VEGFC: variants seen among roughly 807,000 people sequenced by gnomAD.
VEGFC encodes the protein vascular endothelial growth factor C.
In VEGFC, 12 loss-of-function variants were observed where a neutral mutation model predicts 46.1. The observed-to-expected ratio is 0.26, with a 90% CI of 0.17 to 0.42. The LOEUF (loss-of-function observed/expected upper bound fraction) is 0.42, where lower values mean the gene tolerates loss of function less well. Ranked by LOEUF, VEGFC falls within the 10% of genes least tolerant of loss-of-function variation. The pLI, the probability that VEGFC is intolerant of heterozygous loss-of-function variation, is 1.00. For missense variants in VEGFC, 488 were observed against 529.4 expected, an observed-to-expected ratio of 0.92 and a Z score of 0.77; for synonymous variants, 232 against 195.5, an observed-to-expected ratio of 1.19 and a Z score of -1.56.
intron 1 of VEGFC, among the ~76,000 whole-genome samples, chr4:176,745,460 C>A (rs73872170): frequency 0.045 from 6,893 of 152,048 alleles, 477 homozygotes; most frequent in African/African-American, 0.16. Flanking sequence ...TATCTGCCTT[C>A]ACTGCCTGAC....
chr4:176,766,639 T>G (rs111734441), intron 1 of VEGFC, among the ~76,000 whole-genome samples: 2 of 150,920 alleles, frequency 1.3e-5, no homozygotes, highest in African/African-American at 4.9e-5. Context: ...ACTTCAGAAT[T>G]TCAGGCAGTG....
rs1183744358 is a variant in VEGFC, at chr4:176,687,478, T to G, written c.854A>C (p.Glu285Ala). The change falls in exon 6 of 7, where the codon GAG becomes GCG. Residue 285 changes from glutamate (E) to alanine (A), a missense_variant. Transcript: ENST00000618562. ...ACACTGACAGGTCTCTTCATCCAGC[T>G]CCTTGTTTGGTCCACAGATGTCATG... ...GFHDICGPNK[E>A]LDEETCQCVC... is the part of the protein sequence containing the mutation. 6.2e-7 allele frequency: 1 copy of G among 1,613,132 alleles called. No individual in the cohort carries two copies. Among genetic ancestry groups the G allele is most frequent in the South Asian group, 1.1e-5 (1 of 91,036 alleles).
chr4:176,726,548 T>A (rs142281870), intron 3 of VEGFC, among the ~76,000 whole-genome samples: 130 of 152,264 alleles, frequency 8.5e-4, no homozygotes, highest in African/African-American at 3.0e-3. Context: ...GTGAGCAATA[T>A]AAAGAAACTC....
intron 1 of VEGFC, among the ~76,000 whole-genome samples, chr4:176,777,052 G>A (rs13130742): frequency 6.6e-6 from 1 of 152,000 alleles, no homozygotes; most frequent in African/African-American, 2.4e-5. Context: ...GGTAGCTCAC[G>A]CCTGTAATCC....
chr4:176,737,686 G>A (rs1194796366), intron 1 of VEGFC, among the ~76,000 whole-genome samples: 2 of 151,592 alleles, frequency 1.3e-5, no homozygotes, highest in Admixed American at 6.6e-5. Context: ...GCCATCCTTA[G>A]AAAATCATAT....
intron 3 of VEGFC, among the ~76,000 whole-genome samples, chr4:176,726,556 C>T (rs1374493639): frequency 6.6e-6 from 1 of 151,926 alleles, no homozygotes; most frequent in African/African-American, 2.4e-5. Flanking sequence ...TATAAAGAAA[C>T]TCAATTTTTG....
At chr4:176,789,662 T>A (rs557203261) in intron 1 of VEGFC, among the ~76,000 whole-genome samples, 127 of 152,356 alleles carry the variant, frequency 8.3e-4, no homozygotes, top group African/African-American at 2.7e-3. Context: ...TGTGTTAACA[T>A]CCTTCAGAGA....
chr4:176,733,717 A>G (rs534903), intron 1 of VEGFC, among the ~76,000 whole-genome samples: 5,412 of 151,882 alleles, frequency 0.036, 228 homozygotes, highest in Middle Eastern at 0.12. Context: ...ACTCGCTATA[A>G]ACAGTAAATT....
chr4:176,778,804 C>T (rs1735859576), intron 1 of VEGFC, among the ~76,000 whole-genome samples: 1 of 152,110 alleles, frequency 6.6e-6, no homozygotes, highest in Non-Finnish European at 1.5e-5. Flanking sequence ...AGGGACAAAA[C>T]CTTCTCAATT....
At chr4:176,782,542 G>A (rs1735934681) in intron 1 of VEGFC, among the ~76,000 whole-genome samples, 1 of 151,712 alleles carries the variant, frequency 6.6e-6, no homozygotes, top group African/African-American at 2.4e-5. Flanking sequence ...AAATTACTAT[G>A]AAGAAAATCA....
At chr4:176,757,518 A>G (rs1347910667) in intron 1 of VEGFC, among the ~76,000 whole-genome samples, 1 of 152,034 alleles carries the variant, frequency 6.6e-6, no homozygotes, top group Non-Finnish European at 1.5e-5. Context: ...CTAACACAAT[A>G]ATATTGGTAC....
chr4:176,792,027 G>T lies in VEGFC; in HGVS notation c.147+138C>A. 1 of 1,165,142 alleles carries T rather than the reference G, an allele frequency of 8.6e-7. No homozygotes were observed. The highest frequency in any genetic ancestry group is 1.1e-6 in the Non-Finnish European group (1 of 902,074). 72.2% of individuals were successfully genotyped at this position (1,165,142 alleles called of 1,614,324 possible). A position where few individuals can be genotyped will look rare whatever the true frequency, so the allele number is the denominator to read the frequency against. On this transcript the variant is annotated intron_variant, in intron 1 of 6. Coordinates refer to ENST00000618562, the MANE Select transcript of VEGFC (RefSeq NM_005429.5). This position sits in a 1 kb window ranked among gnomAD's most constrained non-coding sequence, Gnocchi z 6.3. ...GAAGAAGATTTTTCTCCAAAGCAGC[G>T]TGCACTGAGCTCAGTAACTTTGGAT...
At position 176,792,401 on chromosome 4, in the gene VEGFC, G is replaced by T; in HGVS notation, c.-90C>A. On this transcript the variant is annotated 5_prime_UTR_variant, in exon 1 of 7. Coordinates refer to ENST00000618562, the MANE Select transcript of VEGFC (RefSeq NM_005429.5). The surrounding 1 kb of genome is among the most constrained non-coding windows in gnomAD (Gnocchi z 6.3). ...CCTGCGAGGCCGCGGGCCCCTCCTG[G>T]TCCCTCTCCCCCGGGCTCCTCCCGG... 1 of 1,060,444 alleles carries T rather than the reference G, an allele frequency of 9.4e-7. No individual in the cohort carries two copies. Among genetic ancestry groups the T allele is most frequent in the Non-Finnish European group, 1.3e-6 (1 of 790,176 alleles). 65.7% of individuals were successfully genotyped at this position (1,060,444 alleles called of 1,614,324 possible).
In VEGFC at chr4:176,729,589, C is replaced by G. The variant is rs748007052; in HGVS notation, c.305G>C (p.Arg102Thr). Residue 102 changes from arginine to threonine, a missense_variant, in exon 2 of 7, where the codon AGG becomes ACG. Coordinates refer to ENST00000618562, the MANE Select transcript of VEGFC (RefSeq NM_005429.5). Reference protein sequence around the residue: ...HNREQANLNSRTEETIKFAAA... With the variant: ...HNREQANLNSTTEETIKFAAA... Reference sequence around the variant, plus strand: ...AGCAAATTTTATAGTCTCTTCTGTCCTTGAGTTGAGGTTGGCCTGTTCTCT... The same window carrying G: ...AGCAAATTTTATAGTCTCTTCTGTCGTTGAGTTGAGGTTGGCCTGTTCTCT... 6.2e-7 allele frequency: 1 copy of G among 1,613,730 alleles called. No individual in the cohort carries two copies. Among genetic ancestry groups the G allele is most frequent in the African/African-American group, 1.3e-5 (1 of 74,982 alleles).
intron 1 of VEGFC, among the ~76,000 whole-genome samples, chr4:176,783,852 A>G (rs1251754821): frequency 1.3e-5 from 1 of 77,192 alleles, no homozygotes; most frequent in Non-Finnish European, 4.1e-5. Context: ...AATTGGGAAA[A>G]TTGTCAGTAA....
chr4:176,742,387 T>C (rs1199822886), intron 1 of VEGFC, among the ~76,000 whole-genome samples: 2 of 151,992 alleles, frequency 1.3e-5, no homozygotes, highest in Non-Finnish European at 2.9e-5. Flanking sequence ...AGTGCTGCGA[T>C]AAACATGAGT....
intron 3 of VEGFC, among the ~76,000 whole-genome samples, chr4:176,716,583 CGAAAAAAAAAAAAAAAAAAAAAA>C (rs1231089330): frequency 2.5e-5 from 2 of 79,262 alleles, no homozygotes; most frequent in Non-Finnish European, 4.1e-5. Context: ...ACTCCCTCTC[CGAAAAAAAAAAAAAAAAAAAAAA>C]GAAAAAGAAA....
chr4:176,738,519 A>G (rs1474683929), intron 1 of VEGFC, among the ~76,000 whole-genome samples: 1 of 152,074 alleles, frequency 6.6e-6, no homozygotes, highest in Non-Finnish European at 1.5e-5. Context: ...TTGAAACTTG[A>G]CCCTTTCCTT....
At chr4:176,706,562 G>A (rs897810760) in intron 4 of VEGFC, among the ~76,000 whole-genome samples, 1 of 144,722 alleles carries the variant, frequency 6.9e-6, no homozygotes, top group Non-Finnish European at 1.5e-5. Context: ...GGAGGAGGAG[G>A]TTGCAGTGAG....
Sources: allele counts gnomAD v4.1 joint callset (sites outside exome capture counted in the v4.1 genomes callset), GRCh38; gene constraint gnomAD v4.1.1; non-coding constraint Gnocchi (gnomAD v3.1); transcripts MANE v1.5; gene names NCBI Gene and HGNC (gene_info 2026-07-23, HGNC 2026-07-21).